CLIC5: variants seen among roughly 807,000 people sequenced by gnomAD.
The protein encoded by CLIC5 is chloride intracellular channel protein 5.
CLIC5 carries 20 observed loss-of-function variants against 24.7 expected under a neutral mutation model. The observed-to-expected ratio is 0.81, with a 90% CI of 0.57 to 1.18. The LOEUF (loss-of-function observed/expected upper bound fraction) is 1.18, where lower values mean the gene tolerates loss of function less well. Ranked by LOEUF, CLIC5 falls within the 50% of genes most tolerant of loss-of-function variation. The pLI is 0.00. For missense variants in CLIC5, 341 were observed against 326.1 expected, an observed-to-expected ratio of 1.05 and a Z score of -0.35; for synonymous variants, 159 against 135.6, an observed-to-expected ratio of 1.17 and a Z score of -1.20.
At chr6:45,997,377 A>G in intron 1 of CLIC5, among the ~76,000 whole-genome samples, 1 of 118,200 alleles carries the variant, frequency 8.5e-6, no homozygotes, top group African/African-American at 3.2e-5. Context: ...GGGGGGAGGG[A>G]TAGCATTGGG....
At chr6:46,004,190 A>G (rs1048924474) in intron 1 of CLIC5, among the ~76,000 whole-genome samples, 1 of 152,220 alleles carries the variant, frequency 6.6e-6, no homozygotes, top group African/African-American at 2.4e-5. Context: ...AGTATTAAGC[A>G]TGGTCAACAG....
At chr6:46,012,149 A>G (rs954902807) in intron 1 of CLIC5, among the ~76,000 whole-genome samples, 2 of 152,238 alleles carry the variant, frequency 1.3e-5, no homozygotes, top group South Asian at 2.1e-4. Flanking sequence ...CTAATTATTG[A>G]TATCATTCCC....
intron 1 of CLIC5, among the ~76,000 whole-genome samples, chr6:46,005,594 C>T (rs917020347): frequency 5.3e-5 from 8 of 152,166 alleles, no homozygotes; most frequent in Non-Finnish European, 8.8e-5. Context: ...ATCAGAGATG[C>T]TTCATGATCT....
intron 1 of CLIC5, among the ~76,000 whole-genome samples, chr6:45,961,080 T>C (rs553696907): frequency 2.6e-5 from 4 of 152,360 alleles, no homozygotes; most frequent in African/African-American, 9.6e-5. Flanking sequence ...TGTCTGTTAT[T>C]TCAAAATGTA....
the CLIC5 span, among the ~76,000 whole-genome samples, chr6:46,095,347 A>C: frequency 6.6e-6 from 1 of 152,176 alleles, no homozygotes; most frequent in South Asian, 2.1e-4. Context: ...CCTTTTTACT[A>C]TATAGCTAGG....
intron 1 of CLIC5, among the ~76,000 whole-genome samples, chr6:46,068,593 C>T (rs1237203331): frequency 2.0e-5 from 3 of 152,018 alleles, no homozygotes; most frequent in African/African-American, 4.8e-5. Context: ...ATACATACCC[C>T]CCAAGTTTGT....
chr6:45,903,109 G>A lies in CLIC5; in HGVS notation c.735C>T (p.Ala245=), dbSNP rs747157176. 2 of 1,614,188 alleles carry A rather than the reference G, an allele frequency of 1.2e-6. No homozygotes were observed. The highest frequency in any genetic ancestry group is 1.7e-6 in the Non-Finnish European group (2 of 1,180,028). ...GTGCTCAGGATCGGCTGAGGCGTTT[G>A]GCGACATCAGCGTAGGCCAACTCGA... The part of the protein sequence containing the change: ...SEIELAYADV[A]KRLSRS The change falls in exon 6 of 6, where the codon GCC becomes GCT. Residue 245 remains alanine, a synonymous_variant. Coordinates refer to ENST00000339561, the MANE Select transcript of CLIC5 (RefSeq NM_016929.5).
chr6:45,911,488 T>A (rs1762817036), intron 5 of CLIC5: 1 of 545,086 alleles, frequency 1.8e-6, no homozygotes, highest in Admixed American at 6.3e-5. Flanking sequence ...TAAGAGCAAA[T>A]TCATGCAGGA....
Position 45,941,613 on chromosome 6 carries a change from C to T in CLIC5, c.340G>A (p.Ala114Thr), listed in dbSNP as rs746712450. 1 of 1,613,948 alleles carries T rather than the reference C, an allele frequency of 6.2e-7. No individual in the cohort carries two copies. Among genetic ancestry groups the T allele is most frequent in the Admixed American group, 1.7e-5 (1 of 60,016 alleles). Residue 114 changes from alanine to threonine, a missense_variant, in exon 4 of 6, where the codon GCG (alanine) becomes ACG (threonine). Transcript: ENST00000339561. ...AACTTGGAAAAGATGTCGATGCCCG[C>T]TGTGTTGGATTCCCGGTGTTTTGCA... is the stretch of plus-strand genomic sequence containing the variant. ...LAAKHRESNT[A>T]GIDIFSKFSA... is the part of the protein sequence containing the mutation.
At chr6:46,098,666 G>GATCT in the CLIC5 span, among the ~76,000 whole-genome samples, 411 of 152,324 alleles carry the variant, frequency 2.7e-3, 3 homozygotes, top group South Asian at 3.5e-3. Flanking sequence ...TGTCATGGAA[G>GATCT]ATCTTCACCA....
rs745565684 is a variant in CLIC5 at position 45,926,091 on chromosome 6, G to A, written c.407-11682C>T. On this transcript the variant is annotated intron_variant, in intron 4 of 5. Transcript: ENST00000339561. Reference sequence around the variant, plus strand: ...ATCAGAGTTAGAGCTGAGTGCAGGAGGTCTGAGAAATCACGTGGCTCAACC... The same window carrying A: ...ATCAGAGTTAGAGCTGAGTGCAGGAAGTCTGAGAAATCACGTGGCTCAACC... Among the ~76,000 whole-genome samples, 70 of 152,036 alleles carry A rather than the reference G, an allele frequency of 4.6e-4. 1 individual carries two copies. In the Middle Eastern group the frequency reaches 0.021, roughly 45 times the overall value.
intron 1 of CLIC5, among the ~76,000 whole-genome samples, chr6:45,998,563 T>C (rs1320378685): frequency 1.3e-5 from 2 of 152,182 alleles, no homozygotes; most frequent in Non-Finnish European, 2.9e-5. Context: ...TGTGAATATT[T>C]CAACACATGC....
chr6:46,068,184 C>A (rs1230191483), intron 1 of CLIC5, among the ~76,000 whole-genome samples: 2 of 152,160 alleles, frequency 1.3e-5, no homozygotes, highest in African/African-American at 4.8e-5. Flanking sequence ...AGAAAGAACT[C>A]TCCCCTAGAG....
chr6:45,951,442 C>A (rs1333810296), intron 2 of CLIC5, among the ~76,000 whole-genome samples: 1 of 152,188 alleles, frequency 6.6e-6, no homozygotes, highest in Non-Finnish European at 1.5e-5. Context: ...AGCACACTGA[C>A]TACCTGCAGG....
intron 1 of CLIC5, among the ~76,000 whole-genome samples, chr6:46,006,118 G>T (rs1177579879): frequency 2.0e-4 from 3 of 15,146 alleles, no homozygotes; most frequent in Admixed American, 9.3e-4. Context: ...ATATACACAT[G>T]TATAAATACA....
At position 45,993,063 on chromosome 6, in the gene CLIC5, T is replaced by G. The variant is rs185732294; in HGVS notation, c.63+22417A>C. On this transcript the variant is annotated intron_variant, in intron 1 of 5. Transcript: ENST00000339561. The stretch of plus-strand genomic sequence containing the variant: ...AACCAAGAAAGCAGTTCTGGTCCAG[T>G]GATTCTTGTAGGAAACAGATGCTAG... 3.3e-5 allele frequency among the ~76,000 whole-genome samples: 5 copies of G among 152,298 alleles called. No homozygotes were observed. In the East Asian group the frequency reaches 9.7e-4, roughly 29 times the overall value.
chr6:45,990,523 C>T (rs1765898922), intron 1 of CLIC5, among the ~76,000 whole-genome samples: 1 of 152,216 alleles, frequency 6.6e-6, no homozygotes, highest in Non-Finnish European at 1.5e-5. Context: ...TGTAGCATCA[C>T]ACAAGCTCTC....
chr6:45,950,172 C>T (rs750626584), intron 2 of CLIC5, among the ~76,000 whole-genome samples: 13 of 152,170 alleles, frequency 8.5e-5, no homozygotes, highest in Admixed American at 4.6e-4. Flanking sequence ...GAAAGCCTTA[C>T]GATTCAAGCT....
intron 1 of CLIC5, among the ~76,000 whole-genome samples, chr6:45,958,422 TTATATATATA>T (rs35922936): frequency 0.022 from 185 of 8,316 alleles, 1 homozygote; most frequent in East Asian, 0.063. Flanking sequence ...AAAAAGACAA[TTATATATATA>T]TATATATATA....
Sources: gnomAD v4.1 joint callset for allele counts (sites outside exome capture counted in the v4.1 genomes callset) on GRCh38, gnomAD v4.1.1 for gene constraint, MANE v1.5 for transcripts, NCBI Gene and HGNC (gene_info 2026-07-23, HGNC 2026-07-21) for gene names.